Variants in SPPL3 observed in about 807,000 individuals in gnomAD.
The protein encoded by SPPL3 is signal peptide peptidase-like 3.
SPPL3 carries 5 observed loss-of-function variants against 42.4 expected under a neutral mutation model. That is an observed-to-expected ratio of 0.12 (90% CI 0.06 to 0.25). The LOEUF is 0.25. SPPL3 is among the 10% of genes least tolerant of loss of function. SPPL3 has a pLI of 1.00. For missense variants in SPPL3, 235 were observed against 489.0 expected, an observed-to-expected ratio of 0.48 and a Z score of 4.90; for synonymous variants, 195 against 181.8, an observed-to-expected ratio of 1.07 and a Z score of -0.58.
At chr12:120,812,682 G>A (rs952771526) in intron 1 of SPPL3, among the ~76,000 whole-genome samples, 2 of 152,108 alleles carry the variant, frequency 1.3e-5, no homozygotes, top group African/African-American at 4.8e-5. Context: ...GAGAGACAGA[G>A]AAGGAAAACC....
intron 1 of SPPL3, among the ~76,000 whole-genome samples, chr12:120,820,582 C>T (rs1002846580): frequency 1.3e-5 from 2 of 152,052 alleles, no homozygotes; most frequent in Non-Finnish European, 2.9e-5. Flanking sequence ...TCCCAAAGTG[C>T]TGGGATTACA....
intron 1 of SPPL3, among the ~76,000 whole-genome samples, chr12:120,852,885 T>TGA (rs1412738819): frequency 4.5e-4 from 49 of 109,194 alleles, no homozygotes; most frequent in East Asian, 1.1e-3. Flanking sequence ...ATATCATATA[T>TGA]ATTTCATATA....
chr12:120,802,059 A>C (rs1308155178), intron 2 of SPPL3, among the ~76,000 whole-genome samples: 2 of 152,276 alleles, frequency 1.3e-5, no homozygotes, highest in East Asian at 3.9e-4. Context: ...GTTTCAGGCT[A>C]GAATTAATTC....
intron 1 of SPPL3, among the ~76,000 whole-genome samples, chr12:120,816,037 A>G (rs1870862743): frequency 6.6e-6 from 1 of 152,056 alleles, no homozygotes; most frequent in Admixed American, 6.5e-5. Context: ...GCCTGGATTA[A>G]ATTTTCAAAA....
intron 1 of SPPL3, among the ~76,000 whole-genome samples, chr12:120,848,184 G>A (rs180887277): frequency 3.8e-4 from 58 of 152,258 alleles, no homozygotes; most frequent in Middle Eastern, 6.8e-3. Flanking sequence ...TGCCCTGACA[G>A]AATCTCAAGG....
chr12:120,841,262 C>T (rs1246034894), intron 1 of SPPL3, among the ~76,000 whole-genome samples: 1 of 151,656 alleles, frequency 6.6e-6, no homozygotes, highest in Non-Finnish European at 1.5e-5. Context: ...GAGGCGGAGG[C>T]TGTGGTGAGC....
intron 1 of SPPL3, among the ~76,000 whole-genome samples, chr12:120,897,184 G>A (rs993978275): frequency 6.6e-6 from 1 of 152,220 alleles, no homozygotes; most frequent in East Asian, 1.9e-4. Context: ...AAATGATCAC[G>A]TAGAAATCTT....
chr12:120,846,543 G>A (rs1159461447), intron 1 of SPPL3, among the ~76,000 whole-genome samples: 1 of 152,166 alleles, frequency 6.6e-6, no homozygotes, highest in Non-Finnish European at 1.5e-5. Context: ...TTCTATAAAA[G>A]CTATGGAGAG....
At chr12:120,838,039 T>TA (rs1871680435) in intron 1 of SPPL3, among the ~76,000 whole-genome samples, 1 of 151,878 alleles carries the variant, frequency 6.6e-6, no homozygotes, top group African/African-American at 2.4e-5. Context: ...TCTCAAAAAA[T>TA]AAAAAATAAA....
chr12:120,809,162 G>A (rs1013676684), intron 2 of SPPL3, among the ~76,000 whole-genome samples: 2 of 152,096 alleles, frequency 1.3e-5, no homozygotes, highest in African/African-American at 4.8e-5. Flanking sequence ...TGGCTAACAC[G>A]GTGAAACCCC....
At chr12:120,891,466 A>C (rs1808944824) in intron 1 of SPPL3, among the ~76,000 whole-genome samples, 1 of 152,192 alleles carries the variant, frequency 6.6e-6, no homozygotes, top group Non-Finnish European at 1.5e-5. Flanking sequence ...ACAAAGGACA[A>C]GAAATGAGCT....
intron 6 of SPPL3, among the ~76,000 whole-genome samples, chr12:120,778,111 A>ATTTTTTTTTTTTTTTTTTT (rs57779322): frequency 2.2e-5 from 2 of 90,942 alleles, no homozygotes; most frequent in Non-Finnish European, 4.0e-5. Context: ...CTGAAAAGCA[A>ATTTTTTTTTTTTTTTTTTT]TTTTTTTTTT....
chr12:120,840,704 G>A (rs944299583), intron 1 of SPPL3, among the ~76,000 whole-genome samples: 3 of 152,026 alleles, frequency 2.0e-5, no homozygotes, highest in Non-Finnish European at 2.9e-5. Flanking sequence ...GGTGGTGTGC[G>A]CCTGTAGTCC....
chr12:120,763,420 C>G lies in SPPL3; in HGVS notation c.*1579G>C, dbSNP rs1868744246. ...CAGCACACTAATTCATTACACAGGT[C>G]AAGACAGAGGCAGCCACTGGGGCGG... On this transcript the variant is annotated 3_prime_UTR_variant, in exon 11 of 11. Coordinates refer to ENST00000353487, the MANE Select transcript of SPPL3 (RefSeq NM_139015.5). 1.3e-5 allele frequency: 2 copies of G among 152,698 alleles called. No homozygotes were observed. The highest frequency in any genetic ancestry group is 1.3e-4 in the Admixed American group (2 of 15,274). 9.5% of individuals were successfully genotyped at this position (152,698 alleles called of 1,614,324 possible). A position where few individuals can be genotyped will look rare whatever the true frequency, so the allele number is the denominator to read the frequency against.
At chr12:120,781,660 G>A (rs1235308146) in intron 6 of SPPL3, among the ~76,000 whole-genome samples, 1 of 129,090 alleles carries the variant, frequency 7.7e-6, no homozygotes, top group Non-Finnish European at 1.6e-5. Context: ...TGCAAGCTCC[G>A]CCTCCCGGGT....
intron 1 of SPPL3, among the ~76,000 whole-genome samples, chr12:120,900,783 G>A (rs1252551654): frequency 6.6e-6 from 1 of 151,892 alleles, no homozygotes; most frequent in African/African-American, 2.4e-5. Flanking sequence ...ACTAGCAGAC[G>A]TGGTTGTGCA....
At chr12:120,765,163 T>G in intron 10 of SPPL3, 93 bp from the exon 11 acceptor site, 2 of 1,223,194 alleles carry the variant, frequency 1.6e-6, no homozygotes, top group Non-Finnish European at 2.3e-6. Flanking sequence ...TTTTTCCAGG[T>G]ATGAAGTCTT....
chr12:120,803,388 G>A (rs1397896224), intron 2 of SPPL3, among the ~76,000 whole-genome samples: 1 of 152,094 alleles, frequency 6.6e-6, no homozygotes, highest in East Asian at 1.9e-4. Flanking sequence ...AAAATGGAGG[G>A]GAGAGCAGAT....
chr12:120,809,395 C>T (rs1344324200), intron 2 of SPPL3, among the ~76,000 whole-genome samples: 3 of 151,880 alleles, frequency 2.0e-5, no homozygotes, highest in Middle Eastern at 3.2e-3. Flanking sequence ...CTGAAATTAC[C>T]CGTAATATTT....
Sources: allele counts gnomAD v4.1 joint callset (sites outside exome capture counted in the v4.1 genomes callset), GRCh38; gene constraint gnomAD v4.1.1; transcripts MANE v1.5; gene names NCBI Gene and HGNC (gene_info 2026-07-23, HGNC 2026-07-21).